Variants in PITPNM3 observed in about 807,000 individuals in gnomAD.
PITPNM3 encodes the protein membrane-associated phosphatidylinositol transfer protein 3.
A neutral mutation model predicts 102.0 loss-of-function variants in PITPNM3; 26 were observed. The ratio of observed to expected loss-of-function variants is 0.25; its 90% confidence interval spans 0.19 to 0.35. The LOEUF is 0.35. Among genes scored for constraint, PITPNM3 ranks in the 10% least tolerant of loss-of-function variants. PITPNM3 has a pLI of 1.00. For missense variants in PITPNM3, 1,083 were observed against 1,346.1 expected, an observed-to-expected ratio of 0.80 and a Z score of 3.06; for synonymous variants, 578 against 558.6, an observed-to-expected ratio of 1.03 and a Z score of -0.49.
intron 4 of PITPNM3, among the ~76,000 whole-genome samples, chr17:6,500,553 G>A (rs758277473): frequency 6.6e-6 from 1 of 152,118 alleles, no homozygotes; most frequent in African/African-American, 2.4e-5. Context: ...CAGTATTATT[G>A]TTTTTCTCAC....
chr17:6,551,171 C>CA (rs35963988), intron 1 of PITPNM3, among the ~76,000 whole-genome samples: 2,174 of 152,160 alleles, frequency 0.014, 22 homozygotes, highest in Non-Finnish European at 0.021. Context: ...TCCTGGCTAA[C>CA]ACGGTGAAAC....
At chr17:6,510,672 C>T (rs377532311) in intron 3 of PITPNM3, among the ~76,000 whole-genome samples, 15 of 152,248 alleles carry the variant, frequency 9.9e-5, no homozygotes, top group East Asian at 5.8e-4. Context: ...ACAGTGAGCC[C>T]CTCACCACTT....
At position 6,468,293 on chromosome 17, in the gene PITPNM3, G is replaced by A. The variant is rs2150721957; in HGVS notation, c.1822C>T (p.Pro608Ser). ...GGGTTGGCAGGACTCAGTGCTGCAGGGTCCAGGCGGGCGCTTTCCTTGATG... is the reference window on the plus strand; with the variant it reads ...GGGTTGGCAGGACTCAGTGCTGCAGAGTCCAGGCGGGCGCTTTCCTTGATG... Reference protein sequence around the residue: ...VNIKESARLDPAALSPANPRE... With the variant: ...VNIKESARLDSAALSPANPRE... Residue 608 changes from proline (P) to serine (S), a missense_variant, in exon 14 of 20, where the codon CCT becomes TCT. Pro to Ser is a moderately conservative substitution (Grantham distance 74). This residue lies in a region of PITPNM3 where 410 missense variants were observed against 638.4 expected (regional missense o/e 0.64). Coordinates refer to ENST00000262483, the MANE Select transcript of PITPNM3 (RefSeq NM_031220.4). This position sits in a 1 kb window ranked among gnomAD's most constrained non-coding sequence, Gnocchi z 5.2. 1 of 1,613,996 alleles carries A rather than the reference G, an allele frequency of 6.2e-7. No individual in the cohort carries two copies. Among genetic ancestry groups the A allele is most frequent in the Non-Finnish European group, 8.5e-7 (1 of 1,180,016 alleles).
At position 6,454,036 on chromosome 17, in the gene PITPNM3, G is replaced by A. The variant is rs1029368814; in HGVS notation, c.*1302C>T. ...CCAACCTCAGGGGACTACCCAGGAG[G>A]AGGTTATGGGCACAAACTGAGCAGC... On this transcript the variant is annotated 3_prime_UTR_variant, in exon 20 of 20. Transcript: ENST00000262483. 2 of 152,528 alleles carry A rather than the reference G, an allele frequency of 1.3e-5. No homozygotes were observed. The highest frequency in any genetic ancestry group is 1.9e-4 in the East Asian group (1 of 5,204). 9.4% of individuals were successfully genotyped at this position (152,528 alleles called of 1,614,324 possible). A position where few individuals can be genotyped will look rare whatever the true frequency, so the allele number is the denominator to read the frequency against.
At chr17:6,525,947 G>A (rs190913685) in intron 2 of PITPNM3, among the ~76,000 whole-genome samples, 3 of 152,332 alleles carry the variant, frequency 2.0e-5, no homozygotes, top group African/African-American at 7.2e-5. Context: ...TCATAGATGA[G>A]AGCAATCATG....
At chr17:6,554,555 T>C (rs547689587) in intron 1 of PITPNM3, among the ~76,000 whole-genome samples, 54 of 152,120 alleles carry the variant, frequency 3.5e-4, no homozygotes, top group Non-Finnish European at 6.9e-4. Flanking sequence ...GCACAAGGCA[T>C]TGATGCTCAG....
chr17:6,508,355 C>T (rs2150616851), intron 3 of PITPNM3, among the ~76,000 whole-genome samples: 1 of 152,332 alleles, frequency 6.6e-6, no homozygotes, highest in East Asian at 1.9e-4. Context: ...GCTTCCATGC[C>T]TATGCAATAA....
rs184334731 is a variant in PITPNM3, at chr17:6,514,080, A to T, written c.227-10506T>A. On this transcript the variant is annotated intron_variant, in intron 3 of 19. Transcript: ENST00000262483. ...AAACTAGTTAATCACACTCAAAAGA[A>T]CTCCTAGCTCACACCATACACAAAA... Among the ~76,000 whole-genome samples, 194 of 152,272 alleles carry T rather than the reference A, an allele frequency of 1.3e-3. 1 individual carries two copies. Among genetic ancestry groups the T allele is most frequent in the African/African-American group, 4.1e-3 (172 of 41,560 alleles).
At chr17:6,509,527 A>C (rs1386576630) in intron 3 of PITPNM3, among the ~76,000 whole-genome samples, 2 of 152,068 alleles carry the variant, frequency 1.3e-5, no homozygotes, top group Non-Finnish European at 2.9e-5. Context: ...CTCTCCCCTT[A>C]CTGGGCATTG....
chr17:6,467,392 T>G (rs556737484), intron 14 of PITPNM3, among the ~76,000 whole-genome samples: 77 of 152,342 alleles, frequency 5.1e-4, no homozygotes, highest in African/African-American at 1.8e-3. Context: ...AGCTTCTTTT[T>G]GGAGGTTATG....
intron 17 of PITPNM3, among the ~76,000 whole-genome samples, chr17:6,462,625 C>T (rs536012679): frequency 6.6e-6 from 1 of 152,300 alleles, no homozygotes; most frequent in East Asian, 1.9e-4. Flanking sequence ...GCTGACTTCA[C>T]ACAGAATCCT....
Position 6,471,205 on chromosome 17 carries a change from C to A in PITPNM3, c.1580G>T (p.Ser527Ile). ...RMSEGSSHSE[S>I]SESSDSMAPV... The stretch of plus-strand genomic sequence containing the variant: ...TGCCATGCTGTCCGAGGACTCCGAG[C>A]TCTCGCTGTGGGAGCTCCCCTCGCT... The change falls in exon 12 of 20, where the codon AGC becomes ATC. Residue 527 changes from serine (S) to isoleucine (I), a missense_variant. Physicochemically the swap from Ser to Ile is moderately radical, Grantham distance 142. Transcript: ENST00000262483. The A allele has an allele frequency of 6.2e-7, 1 of 1,613,276 alleles. No homozygotes were observed. Among genetic ancestry groups the A allele is most frequent in the Non-Finnish European group, 8.5e-7 (1 of 1,180,010 alleles).
intron 3 of PITPNM3, among the ~76,000 whole-genome samples, chr17:6,513,584 G>A (rs1478542191): frequency 6.6e-6 from 1 of 152,106 alleles, no homozygotes; most frequent in Admixed American, 6.5e-5. Flanking sequence ...TAGGAATAAA[G>A]TTAACAAAAC....
intron 4 of PITPNM3, among the ~76,000 whole-genome samples, chr17:6,496,074 T>C (rs530340623): frequency 1.3e-5 from 2 of 152,286 alleles, no homozygotes. Context: ...CAGGAGCCTC[T>C]CTGGGCTCTT....
rs558048678 is a variant in PITPNM3, at chr17:6,526,479, G to A, written c.119-1016C>T. 1.5e-4 allele frequency among the ~76,000 whole-genome samples: 23 copies of A among 152,280 alleles called. No individual in the cohort carries two copies. The South Asian group carries it at 4.6e-3, about 30-fold the overall frequency. ...AGCTTATGATAATTAAGAATAAAGG[G>A]TTGAGATCCATTTCACTGCCAAAGA... On this transcript the variant is annotated intron_variant, in intron 2 of 19. Transcript: ENST00000262483.
chr17:6,477,413 T>C (rs1905373387), intron 8 of PITPNM3, among the ~76,000 whole-genome samples, 200 bp from the exon 9 acceptor site: 1 of 152,172 alleles, frequency 6.6e-6, no homozygotes, highest in South Asian at 2.1e-4. Context: ...TCCACCGGGA[T>C]TGACATTCCC....
intron 3 of PITPNM3, 133 bp from the exon 4 acceptor site, chr17:6,503,707 A>G: frequency 3.4e-6 from 3 of 889,626 alleles, no homozygotes; most frequent in Non-Finnish European, 5.4e-6. Flanking sequence ...ATCTCCTACC[A>G]CTTCATGCCC....
chr17:6,547,448 C>T (rs906227029), intron 1 of PITPNM3, among the ~76,000 whole-genome samples: 2 of 152,198 alleles, frequency 1.3e-5, no homozygotes, highest in Non-Finnish European at 2.9e-5. Context: ...GCTGTCCCCC[C>T]TATGTCCCGC....
chr17:6,510,750 A>G (rs905702810), intron 3 of PITPNM3, among the ~76,000 whole-genome samples: 1 of 152,240 alleles, frequency 6.6e-6, no homozygotes, highest in Non-Finnish European at 1.5e-5. Flanking sequence ...GGTCCGTGCT[A>G]CAGACAAGAG....
Sources: allele counts gnomAD v4.1 joint callset (sites outside exome capture counted in the v4.1 genomes callset), GRCh38; gene constraint gnomAD v4.1.1; regional missense constraint gnomAD v4.1.1; non-coding constraint Gnocchi (gnomAD v3.1); transcripts MANE v1.5; gene names NCBI Gene and HGNC (gene_info 2026-07-23, HGNC 2026-07-21).